The following ZNF561 variants were observed in gnomAD, a reference collection of about 807,000 sequenced individuals.
The protein encoded by ZNF561 is zinc finger protein 561.
Under a neutral mutation model 16.7 loss-of-function variants are expected in ZNF561, and 16 were observed. The observed-to-expected ratio is 0.96, with a 90% CI of 0.65 to 1.45. The LOEUF (loss-of-function observed/expected upper bound fraction) is 1.45, where lower values mean the gene tolerates loss of function less well. ZNF561 is among the 40% of genes most tolerant of loss of function. The pLI is 0.00. For synonymous variants in ZNF561, 190 were observed against 192.1 expected (o/e 0.99, Z 0.09); for missense variants, 580 against 578.0 (o/e 1.00, Z -0.04).
chr19:9,609,184 A>C lies in ZNF561; in HGVS notation c.*1016T>G, dbSNP rs1281548667. 2 of 152,194 alleles carry C rather than the reference A, an allele frequency of 1.3e-5. No homozygotes were observed. The highest frequency in any genetic ancestry group is 2.1e-4 in the South Asian group (1 of 4,834). The allele number at this position is 152,194 out of a possible 1,614,324, so 9.4% of individuals were successfully genotyped here. A position where few individuals can be genotyped will look rare whatever the true frequency, so the allele number is the denominator to read the frequency against. ...TTTCTTGTAAGGAATACTTTTAGCT[A>C]ATCTATAATCTATAGAAATAATGTT... On this transcript the variant is annotated 3_prime_UTR_variant, in exon 6 of 6. Coordinates refer to ENST00000302851, the MANE Select transcript of ZNF561 (RefSeq NM_152289.3).
chr19:9,614,494 G>A (rs1206049645), intron 4 of ZNF561, among the ~76,000 whole-genome samples: 2 of 152,168 alleles, frequency 1.3e-5, no homozygotes, highest in African/African-American at 4.8e-5. Context: ...TATAATCCCA[G>A]CTACTTGTGA....
chr19:9,616,580 C>G (rs760107540), intron 4 of ZNF561, among the ~76,000 whole-genome samples: 2 of 151,660 alleles, frequency 1.3e-5, no homozygotes, highest in Non-Finnish European at 2.9e-5. Flanking sequence ...CACAACCGGC[C>G]TAGTCTTCAT....
At chr19:9,611,449 A>T in intron 5 of ZNF561, 113 bp from the exon 6 acceptor site, 1 of 1,174,028 alleles carries the variant, frequency 8.5e-7, no homozygotes, top group African/African-American at 1.6e-5. Flanking sequence ...TTTAATATTT[A>T]ATTTTTTTTT....
At chr19:9,618,891 C>T (rs540025885) in intron 2 of ZNF561, among the ~76,000 whole-genome samples, 1 of 152,136 alleles carries the variant, frequency 6.6e-6, no homozygotes. Context: ...CCAAGGCGGG[C>T]AAATCACTTG....
At chr19:9,613,895 C>T (rs2074506448) in intron 5 of ZNF561, 126 bp downstream of exon 5, 1 of 1,164,524 alleles carries the variant, frequency 8.6e-7, no homozygotes. Context: ...GAGACCCCCA[C>T]TTCAGCCTCC....
At position 9,607,794 on chromosome 19, in the gene ZNF561, CT is replaced by C. The variant is rs1165404996; in HGVS notation, c.*2405del. On this transcript the variant is annotated 3_prime_UTR_variant, in exon 6 of 6. Transcript: ENST00000302851. ...AAACGGAAAAGAATCATATTAAGTACTTTGGACTGAATGATAACCCTGAAAA... is the reference window on the plus strand; with the variant it reads ...AAACGGAAAAGAATCATATTAAGTACTTGGACTGAATGATAACCCTGAAAA... The C allele has an allele frequency of 6.6e-6, 1 of 152,190 alleles. No individual in the cohort carries two copies. Among genetic ancestry groups the C allele is most frequent in the Non-Finnish European group, 1.5e-5 (1 of 68,036 alleles). 9.4% of individuals were successfully genotyped at this position (152,190 alleles called of 1,614,324 possible). A position where few individuals can be genotyped will look rare whatever the true frequency, so the allele number is the denominator to read the frequency against.
At chr19:9,611,397 T>C (rs1426396452) in intron 5 of ZNF561, 61 bp from the exon 6 acceptor site, 2 of 1,488,080 alleles carry the variant, frequency 1.3e-6, no homozygotes, top group African/African-American at 2.8e-5. Context: ...ATTTCACCCA[T>C]CTGAACACAG....
At position 9,610,374 on chromosome 19, in the gene ZNF561, T is replaced by C. The variant is rs1412393988; in HGVS notation, c.1287A>G (p.Ala429=). ...CATTAAGGCGTGAGGAATATAGAAA[T>C]GCTTTCCCACATATCTTGCATACAA... ...KPFVCKICGK[A]FLYSSRLNVH... Residue 429 remains alanine (A), a synonymous_variant, in exon 6 of 6, where the codon GCA becomes GCG. Transcript: ENST00000302851. 1 of 1,614,126 alleles carries C rather than the reference T, an allele frequency of 6.2e-7. No individual in the cohort carries two copies. The highest frequency in any genetic ancestry group is 2.2e-5 in the East Asian group (1 of 44,882).
At chr19:9,614,155 T>C in intron 4 of ZNF561, 52 bp from the exon 5 acceptor site, 2 of 1,585,070 alleles carry the variant, frequency 1.3e-6, no homozygotes, top group Non-Finnish European at 1.7e-6. Flanking sequence ...AAATATTCAT[T>C]TAAAATGAGT....
At position 9,610,806 on chromosome 19, in the gene ZNF561, T is replaced by A; in HGVS notation, c.855A>T (p.Glu285Asp). The part of the protein sequence containing the change: ...HKGEKSFECK[E>D]CGRSFRNSSC... ...AGGAATTTCTAAAGGATCTTCCACA[T>A]TCTTTACATTCAAAGGACTTCTCTC... The change falls in exon 6 of 6, where the codon GAA becomes GAT. Residue 285 changes from glutamate to aspartate, a missense_variant. Coordinates refer to ENST00000302851, the MANE Select transcript of ZNF561 (RefSeq NM_152289.3). The A allele has an allele frequency of 6.2e-7, 1 of 1,614,138 alleles. No homozygotes were observed. The highest frequency in any genetic ancestry group is 1.1e-5 in the South Asian group (1 of 91,084).
intron 4 of ZNF561, among the ~76,000 whole-genome samples, chr19:9,615,551 T>C (rs188260648): frequency 2.8e-4 from 42 of 151,360 alleles, no homozygotes; most frequent in East Asian, 1.2e-3. Flanking sequence ...TAAACAGAGA[T>C]TGCACCACCG....
chr19:9,613,194 T>C (rs1417261156), intron 5 of ZNF561, among the ~76,000 whole-genome samples: 2 of 152,232 alleles, frequency 1.3e-5, no homozygotes, highest in Non-Finnish European at 2.9e-5. Context: ...TATACAGATA[T>C]GGAATATCAT....
At chr19:9,613,289 C>G (rs2074494914) in intron 5 of ZNF561, among the ~76,000 whole-genome samples, 2 of 152,124 alleles carry the variant, frequency 1.3e-5, no homozygotes, top group South Asian at 4.1e-4. Flanking sequence ...TCAAGTATCT[C>G]TCATTTGTGC....
At position 9,610,314 on chromosome 19, in the gene ZNF561, G is replaced by A. The variant is rs370992979; in HGVS notation, c.1347C>T (p.Phe449=). Residue 449 remains phenylalanine (F), a synonymous_variant, in exon 6 of 6, where the codon TTC becomes TTT. Transcript: ENST00000302851. ...HLRTHTGEKP[F]VCKECGKAFA... is the part of the protein sequence containing the mutation. ...ATGCTTTCCCACATTCTTTACATAC[G>A]AAGGGTTTCTCTCCGGTATGAGTTC... 1.8e-5 allele frequency: 29 copies of A among 1,614,042 alleles called. No individual in the cohort carries two copies. Among genetic ancestry groups the A allele is most frequent in the Non-Finnish European group, 2.2e-5 (26 of 1,179,976 alleles).
Position 9,619,521 on chromosome 19 carries a change from C to T in ZNF561, c.-65G>A, listed in dbSNP as rs558374934. ...TGATGCCAAGATCACCTCAGGCCAG[C>T]TTATGAATCTAGGTGGATAGAGGCA... On this transcript the variant is annotated 5_prime_UTR_variant, in exon 2 of 6. Coordinates refer to ENST00000302851, the MANE Select transcript of ZNF561 (RefSeq NM_152289.3). The T allele has an allele frequency of 1.5e-4, 238 of 1,577,668 alleles. 2 individuals carry two copies. In the South Asian group the frequency reaches 2.6e-3, roughly 17 times the overall value.
chr19:9,619,341 A>G (rs1430501723), intron 2 of ZNF561, 91 bp downstream of exon 2: 2 of 1,274,400 alleles, frequency 1.6e-6, no homozygotes, highest in Non-Finnish European at 1.1e-6. Context: ...AACCAGCTGC[A>G]TGCCTGCTCA....
rs1165349342 is a variant in ZNF561, at chr19:9,609,580, G to A, written c.*620C>T. On this transcript the variant is annotated 3_prime_UTR_variant, in exon 6 of 6. Transcript: ENST00000302851. The stretch of plus-strand genomic sequence containing the variant: ...ATGGACTATATCAGCCACCTTGACA[G>A]AAGTGAGAAGAGAGACTGGATTATA... The A allele has an allele frequency of 2.0e-5, 3 of 152,290 alleles. No homozygotes were observed. The East Asian group carries it at 5.8e-4, about 29-fold the overall frequency. 9.4% of individuals were successfully genotyped at this position (152,290 alleles called of 1,614,324 possible).
intron 5 of ZNF561, among the ~76,000 whole-genome samples, chr19:9,611,679 A>G (rs1166409647): frequency 1.3e-5 from 2 of 152,126 alleles, no homozygotes; most frequent in Non-Finnish European, 2.9e-5. Flanking sequence ...TCCTAAGCTC[A>G]GGTGATCTGC....
intron 4 of ZNF561, 48 bp downstream of exon 4, chr19:9,616,997 G>T: frequency 1.3e-6 from 2 of 1,564,346 alleles, no homozygotes; most frequent in Non-Finnish European, 1.7e-6. Flanking sequence ...AAGTATCTGG[G>T]ACTACAGGTG....
Sources: gnomAD v4.1 joint callset for allele counts (sites outside exome capture counted in the v4.1 genomes callset) on GRCh38, gnomAD v4.1.1 for gene constraint, MANE v1.5 for transcripts, NCBI Gene and HGNC (gene_info 2026-07-23, HGNC 2026-07-21) for gene names.